The following CNBD1 variants were observed in gnomAD, a reference collection of about 807,000 sequenced individuals.
CNBD1 encodes the protein cyclic nucleotide-binding domain-containing protein 1.
In CNBD1, 71 loss-of-function variants were observed where a neutral mutation model predicts 54.4. The ratio of observed to expected loss-of-function variants is 1.30; its 90% confidence interval spans 1.08 to 1.59. CNBD1 has a LOEUF of 1.59. Ranked by LOEUF, CNBD1 falls within the 40% of genes most tolerant of loss-of-function variation. CNBD1 has a pLI of 0.00. For synonymous variants in CNBD1, 182 were observed against 170.7 expected (o/e 1.07, Z -0.51); for missense variants, 659 against 518.0 (o/e 1.27, Z -2.64).
chr8:87,329,733 G>C (rs558753668), intron 8 of CNBD1, among the ~76,000 whole-genome samples: 4 of 151,890 alleles, frequency 2.6e-5, no homozygotes, highest in Non-Finnish European at 5.9e-5. Flanking sequence ...GAATTGACTT[G>C]TGTATATTAA....
chr8:87,378,438 A>C (rs1428154058), intron 10 of CNBD1, among the ~76,000 whole-genome samples: 1 of 150,852 alleles, frequency 6.6e-6, no homozygotes. Flanking sequence ...TGTTTTTCTC[A>C]GGTTTTTCAA....
At chr8:86,952,168 T>C (rs1414171630) in intron 4 of CNBD1, among the ~76,000 whole-genome samples, 1 of 152,182 alleles carries the variant, frequency 6.6e-6, no homozygotes, top group African/African-American at 2.4e-5. Context: ...TTAACACATA[T>C]TGATTGATGT....
chr8:87,424,940 C>T (rs540282425), intron 2 of CNBD1, among the ~76,000 whole-genome samples: 4 of 152,232 alleles, frequency 2.6e-5, no homozygotes, highest in Non-Finnish European at 5.9e-5. Flanking sequence ...CCATTCTCCC[C>T]ATGACTTTCA....
intron 2 of CNBD1, among the ~76,000 whole-genome samples, chr8:86,902,872 A>C (rs1358643496): frequency 2.6e-5 from 4 of 151,996 alleles, no homozygotes; most frequent in Non-Finnish European, 5.9e-5. Context: ...GTTTCCCCTC[A>C]GCTACTTCTA....
intron 6 of CNBD1, among the ~76,000 whole-genome samples, chr8:87,252,215 G>A (rs565894296): frequency 6.6e-6 from 1 of 152,036 alleles, no homozygotes; most frequent in African/African-American, 2.4e-5. Context: ...AAAGGAAAAG[G>A]CTTTTCCATT....
chr8:87,321,712 A>G (rs1809537469), intron 8 of CNBD1, among the ~76,000 whole-genome samples: 1 of 150,660 alleles, frequency 6.6e-6, no homozygotes, highest in Non-Finnish European at 1.5e-5. Flanking sequence ...TCATTTGTCT[A>G]TTTTTGCTTT....
chr8:87,050,953 C>T (rs920827283), intron 4 of CNBD1, among the ~76,000 whole-genome samples: 1 of 152,122 alleles, frequency 6.6e-6, no homozygotes, highest in African/African-American at 2.4e-5. Context: ...TGAATCTGGA[C>T]TGGTATAGCG....
At chr8:87,201,868 T>C (rs1813870207) in intron 4 of CNBD1, among the ~76,000 whole-genome samples, 1 of 152,194 alleles carries the variant, frequency 6.6e-6, no homozygotes, top group Non-Finnish European at 1.5e-5. Context: ...TTCTCCTGCC[T>C]CAGCCTCCTG....
At chr8:87,230,131 G>A (rs1660901046) in intron 5 of CNBD1, among the ~76,000 whole-genome samples, 1 of 152,100 alleles carries the variant, frequency 6.6e-6, no homozygotes, top group African/African-American at 2.4e-5. Flanking sequence ...AGAGAAGAGG[G>A]AGGTGCCACA....
At chr8:87,318,230 C>G (rs1445838747) in intron 8 of CNBD1, among the ~76,000 whole-genome samples, 1 of 151,772 alleles carries the variant, frequency 6.6e-6, no homozygotes, top group Non-Finnish European at 1.5e-5. Flanking sequence ...AGATTATATA[C>G]CCATGCTTCT....
intron 4 of CNBD1, among the ~76,000 whole-genome samples, chr8:87,047,600 C>T (rs960593576): frequency 3.9e-5 from 6 of 152,214 alleles, no homozygotes; most frequent in African/African-American, 9.7e-5. Context: ...CAAAATATTA[C>T]AGAAGTGAGA....
chr8:87,266,438 CTTTTTT>C (rs72293236), intron 6 of CNBD1, among the ~76,000 whole-genome samples: 26 of 50,120 alleles, frequency 5.2e-4, no homozygotes, highest in Non-Finnish European at 5.9e-4. Flanking sequence ...AAAAAAAAAT[CTTTTTT>C]TTTTTTTTTT....
intron 6 of CNBD1, among the ~76,000 whole-genome samples, chr8:87,260,845 G>A (rs949420457): frequency 6.6e-6 from 1 of 151,962 alleles, no homozygotes; most frequent in African/African-American, 2.4e-5. Flanking sequence ...TAGGCCTAAT[G>A]TATAAGCCAG....
At chr8:87,115,210 C>CT (rs1811744231) in intron 4 of CNBD1, among the ~76,000 whole-genome samples, 1 of 151,820 alleles carries the variant, frequency 6.6e-6, no homozygotes, top group South Asian at 2.1e-4. Context: ...GGCAAATAAC[C>CT]TTTTTTCACT....
chr8:87,408,539 C>CT (rs1391285289), intron 2 of CNBD1, among the ~76,000 whole-genome samples: 2 of 152,016 alleles, frequency 1.3e-5, no homozygotes, highest in African/African-American at 4.8e-5. Context: ...CTTTGGGCTG[C>CT]TTTTTTCTTT....
intron 10 of CNBD1, among the ~76,000 whole-genome samples, chr8:87,360,403 G>C (rs1470838110): frequency 6.6e-6 from 1 of 151,668 alleles, no homozygotes; most frequent in Non-Finnish European, 1.5e-5. Flanking sequence ...ACATTGCCTT[G>C]AACATCTAAA....
chr8:87,309,010 A>T (rs1026511841), intron 8 of CNBD1, among the ~76,000 whole-genome samples: 1 of 152,250 alleles, frequency 6.6e-6, no homozygotes, highest in Middle Eastern at 3.4e-3. Context: ...ATTTACATAG[A>T]TTCCATAACT....
At chr8:86,980,526 T>C (rs1341295597) in intron 4 of CNBD1, among the ~76,000 whole-genome samples, 1 of 152,214 alleles carries the variant, frequency 6.6e-6, no homozygotes, top group Non-Finnish European at 1.5e-5. Context: ...CACAGTTTGA[T>C]AGAGTTTATT....
At chr8:87,158,506 G>A (rs1014012932) in intron 4 of CNBD1, among the ~76,000 whole-genome samples, 2 of 152,106 alleles carry the variant, frequency 1.3e-5, no homozygotes, top group African/African-American at 4.8e-5. Flanking sequence ...ATTTTTAAGG[G>A]TTCACTTTCC....
Sources: allele counts gnomAD v4.1 joint callset (sites outside exome capture counted in the v4.1 genomes callset), GRCh38; gene constraint gnomAD v4.1.1; transcripts MANE v1.5; gene names NCBI Gene and HGNC (gene_info 2026-07-23, HGNC 2026-07-21).